The following HTR2C variants were observed in gnomAD, a reference collection of about 807,000 sequenced individuals.
HTR2C encodes 5-hydroxytryptamine (serotonin) receptor 2C, G protein-coupled.
HTR2C carries 5 observed loss-of-function variants against 21.0 expected under a neutral mutation model. The ratio of observed to expected loss-of-function variants is 0.24; its 90% CI spans 0.12 to 0.50. The LOEUF (loss-of-function observed/expected upper bound fraction) is 0.50, where lower values mean the gene tolerates loss of function less well. HTR2C is among the 20% of genes least tolerant of loss of function. HTR2C has a pLI of 0.98. For missense variants in HTR2C, 271 were observed against 371.2 expected, an observed-to-expected ratio of 0.73 and a Z score of 2.22; for synonymous variants, 150 against 145.3, an observed-to-expected ratio of 1.03 and a Z score of -0.23.
intron 4 of HTR2C, among the ~76,000 whole-genome samples, chrX:114,806,144 C>T (rs1205214416): frequency 2.0e-5 from 2 of 98,485 alleles, no homozygotes; most frequent in East Asian, 6.6e-4. Flanking sequence ...TATATACACC[C>T]TATATATACA....
At chrX:114,767,640 T>C (rs2069959322) in intron 4 of HTR2C, among the ~76,000 whole-genome samples, 1 of 108,442 alleles carries the variant, frequency 9.2e-6, no homozygotes, top group Admixed American at 1.0e-4. Context: ...AAGCTAACTT[T>C]TATGTATTTA....
intron 4 of HTR2C, among the ~76,000 whole-genome samples, chrX:114,800,574 T>G (rs922861161): frequency 2.7e-5 from 3 of 111,514 alleles, no homozygotes; most frequent in Non-Finnish European, 5.7e-5. Context: ...CTTCTTTGGC[T>G]AGCCATATAT....
intron 2 of HTR2C, among the ~76,000 whole-genome samples, chrX:114,635,310 G>T: frequency 8.9e-6 from 1 of 112,101 alleles, no homozygotes; most frequent in Non-Finnish European, 1.9e-5. Flanking sequence ...ATTCAGAGAA[G>T]AGATATAAGG....
chrX:114,758,724 C>T (rs1171750999), intron 4 of HTR2C, among the ~76,000 whole-genome samples: 1 of 111,750 alleles, frequency 8.9e-6, no homozygotes, highest in Non-Finnish European at 1.9e-5. Flanking sequence ...AAGCAAATCA[C>T]CAATGGTGAA....
intron 2 of HTR2C, among the ~76,000 whole-genome samples, chrX:114,672,274 C>T (rs1364427697): frequency 2.7e-5 from 3 of 111,153 alleles, no homozygotes; most frequent in Non-Finnish European, 5.7e-5. Context: ...TGCCTGTAGT[C>T]CCAGTGACTC....
chrX:114,750,286 AT>A (rs1433117068), intron 4 of HTR2C, among the ~76,000 whole-genome samples: 3 of 111,339 alleles, frequency 2.7e-5, no homozygotes, highest in Admixed American at 9.6e-5. Flanking sequence ...TGTTCAAATA[AT>A]TTTTTTCCGG....
rs782146087 is a variant in HTR2C, at chrX:114,791,053, A to G, written c.350-56950A>G. Among the ~76,000 whole-genome samples, 3 of 112,398 alleles carry G rather than the reference A, an allele frequency of 2.7e-5. No homozygotes were observed. In the South Asian group the frequency reaches 1.1e-3, roughly 40 times the overall value. On this transcript the variant is annotated intron_variant, in intron 4 of 5. Coordinates refer to ENST00000276198, the MANE Select transcript of HTR2C (RefSeq NM_000868.4). ...TTTCATATATTCTTCTAGCAGTATCAAAGAAAAGAAATTGCCAAGATCCTT... is the reference window on the plus strand; with the variant it reads ...TTTCATATATTCTTCTAGCAGTATCGAAGAAAAGAAATTGCCAAGATCCTT...
chrX:114,700,909 C>G (rs1230018174), intron 2 of HTR2C, among the ~76,000 whole-genome samples: 1 of 111,612 alleles, frequency 9.0e-6, no homozygotes, highest in African/African-American at 3.3e-5. Context: ...GAGATTATAT[C>G]CCGCACCTGG....
chrX:114,856,616 A>G (rs1487078812), intron 5 of HTR2C, among the ~76,000 whole-genome samples: 1 of 111,030 alleles, frequency 9.0e-6, no homozygotes, highest in Non-Finnish European at 1.9e-5. Flanking sequence ...ACTGGTATCA[A>G]AGCAACCATC....
intron 5 of HTR2C, among the ~76,000 whole-genome samples, chrX:114,868,766 T>C (rs1556475399): frequency 8.9e-6 from 1 of 112,098 alleles, no homozygotes; most frequent in African/African-American, 3.2e-5. Context: ...AAGGCTGTGA[T>C]ACTTGCATTC....
chrX:114,641,027 TCTTC>T (rs1359974217), intron 2 of HTR2C, among the ~76,000 whole-genome samples: 7 of 32,363 alleles, frequency 2.2e-4, no homozygotes, highest in East Asian at 9.1e-3. Context: ...TTTCTTTCTT[TCTTC>T]CTTTCTTTCT....
At chrX:114,641,714 T>C in intron 2 of HTR2C, among the ~76,000 whole-genome samples, 1 of 112,082 alleles carries the variant, frequency 8.9e-6, no homozygotes, top group Middle Eastern at 4.6e-3. Context: ...AAAAATATCA[T>C]CGAGAAAAGA....
intron 2 of HTR2C, among the ~76,000 whole-genome samples, chrX:114,723,428 A>G (rs1364609005): frequency 9.0e-6 from 1 of 110,813 alleles, no homozygotes; most frequent in Non-Finnish European, 1.9e-5. Context: ...TAGTCTTGCT[A>G]GTGGTCTATC....
intron 2 of HTR2C, among the ~76,000 whole-genome samples, chrX:114,647,520 C>T (rs1406916508): frequency 3.6e-5 from 4 of 112,200 alleles, no homozygotes; most frequent in African/African-American, 1.3e-4. Flanking sequence ...TAGCACTGTT[C>T]ACTTCTCTGT....
intron 2 of HTR2C, among the ~76,000 whole-genome samples, chrX:114,692,240 G>A (rs1380288174): frequency 9.0e-6 from 1 of 111,437 alleles, no homozygotes; most frequent in East Asian, 2.8e-4. Context: ...CAAAAAGAAA[G>A]TAAAGCATTT....
chrX:114,781,691 G>C (rs782677541), intron 4 of HTR2C, among the ~76,000 whole-genome samples: 1 of 108,841 alleles, frequency 9.2e-6, no homozygotes, highest in African/African-American at 3.4e-5. Flanking sequence ...TGTAGAGATA[G>C]TATCTCGCTA....
intron 2 of HTR2C, among the ~76,000 whole-genome samples, chrX:114,676,313 C>G (rs958151640): frequency 2.7e-5 from 3 of 111,972 alleles, no homozygotes; most frequent in South Asian, 3.7e-4. Flanking sequence ...ACTAATCTAG[C>G]AAAATGCCTA....
chrX:114,887,227 T>G (rs1453525372), intron 5 of HTR2C, among the ~76,000 whole-genome samples: 1 of 111,718 alleles, frequency 9.0e-6, no homozygotes, highest in Non-Finnish European at 1.9e-5. Context: ...GGTATTTTTT[T>G]GTGTGAAGTT....
intron 5 of HTR2C, among the ~76,000 whole-genome samples, chrX:114,852,997 G>A (rs1214883389): frequency 2.7e-5 from 3 of 111,527 alleles, no homozygotes; most frequent in Admixed American, 1.9e-4. Context: ...GAACCATTTT[G>A]CATTCCCACC....
Sources: allele counts gnomAD v4.1 joint callset (sites outside exome capture counted in the v4.1 genomes callset), GRCh38; gene constraint gnomAD v4.1.1; transcripts MANE v1.5; gene names NCBI Gene and HGNC (gene_info 2026-07-23, HGNC 2026-07-21).